Variants in SRGAP1 observed in about 807,000 individuals in gnomAD.
SRGAP1 encodes the protein SLIT-ROBO Rho GTPase activating protein 1.
In SRGAP1, 43 loss-of-function variants were observed where a neutral mutation model predicts 121.9. The ratio of observed to expected loss-of-function variants is 0.35; its 90% CI spans 0.28 to 0.46. The LOEUF is 0.46. Ranked by LOEUF, SRGAP1 falls within the 20% of genes least tolerant of loss-of-function variation. The pLI is 1.00. For synonymous variants in SRGAP1, 447 were observed against 485.4 expected (o/e 0.92, Z 1.04); for missense variants, 1,102 against 1,350.9 (o/e 0.82, Z 2.89).
chr12:63,904,779 T>C (rs935516903), intron 1 of SRGAP1, among the ~76,000 whole-genome samples: 2 of 152,016 alleles, frequency 1.3e-5, no homozygotes, highest in African/African-American at 2.4e-5. Context: ...AAATATGTTT[T>C]AAAAAATTAG....
In SRGAP1 at chr12:64,023,307, C is replaced by T. The variant is rs866964537; in HGVS notation, c.489+6295C>T. On this transcript the variant is annotated intron_variant, in intron 4 of 21. Coordinates refer to ENST00000355086, the MANE Select transcript of SRGAP1 (RefSeq NM_020762.4). ...ATCGAAGAAGTGGAAAAGTGAAAGGCAAAAACAGAGAAAAATGGTGACACA... is the reference window on the plus strand; with the variant it reads ...ATCGAAGAAGTGGAAAAGTGAAAGGTAAAAACAGAGAAAAATGGTGACACA... Among the ~76,000 whole-genome samples, 14 of 148,746 alleles carry T rather than the reference C, an allele frequency of 9.4e-5. 1 individual carries two copies. The highest frequency in any genetic ancestry group is 3.6e-3 in the Middle Eastern group (1 of 274).
At chr12:64,120,998 T>G (rs565853139) in intron 18 of SRGAP1, among the ~76,000 whole-genome samples, 43 of 151,106 alleles carry the variant, frequency 2.8e-4, no homozygotes, top group Non-Finnish European at 5.2e-4. Flanking sequence ...AAAGAAAGCT[T>G]CTTTGTGTCT....
chr12:64,078,767 A>C, intron 8 of SRGAP1, 152 bp from the exon 9 acceptor site: 1 of 674,842 alleles, frequency 1.5e-6, no homozygotes, highest in Non-Finnish European at 2.5e-6. Context: ...GGTGATATGG[A>C]GTGTTTTTTA....
chr12:64,045,437 ATT>A (rs1223700896), intron 6 of SRGAP1, among the ~76,000 whole-genome samples: 1 of 143,576 alleles, frequency 7.0e-6, no homozygotes. Context: ...ATCCAAACCA[ATT>A]TTTTTTTTTT....
In SRGAP1 at chr12:63,954,677, C is replaced by CAA. The variant is rs60508657; in HGVS notation, c.68-29256_68-29255dup. 3.7e-3 allele frequency among the ~76,000 whole-genome samples: 383 copies of CAA among 104,606 alleles called. 4 individuals carry two copies. The highest frequency in any genetic ancestry group is 0.013 in the African/African-American group (359 of 28,078). The allele number at this position is 104,606 out of a possible 152,430, so 68.6% of individuals were successfully genotyped here. ...TGGGGGACAGAGCGAGACTCCATCT[C>CAA]AAAAAAAAAAAAAAAGAAAAGAAAA... is the stretch of plus-strand genomic sequence containing the variant. On this transcript the variant is annotated intron_variant, in intron 1 of 21. Transcript: ENST00000355086.
rs375756979 is a variant in SRGAP1 at position 64,065,197 on chromosome 12, C to T, written c.1103C>T (p.Thr368Met). ...RYQQLQSRLA[T>M]LKIENEEVKK... ...CAACAGTTGCAGTCCCGCCTTGCCA[C>T]GCTCAAAATCGAGAATGAAGAGGTG... is the stretch of plus-strand genomic sequence containing the variant. The change falls in exon 8 of 22, where the codon ACG becomes ATG. Residue 368 changes from threonine (T) to methionine (M), a missense_variant. By Grantham distance (81) the Thr-to-Met change is moderately conservative. Transcript: ENST00000355086. The T allele has an allele frequency of 1.9e-5, 31 of 1,613,140 alleles. No individual in the cohort carries two copies. Among genetic ancestry groups the T allele is most frequent in the African/African-American group, 5.3e-5 (4 of 74,882 alleles).
chr12:64,060,408 A>G (rs941536482), intron 6 of SRGAP1, among the ~76,000 whole-genome samples: 3 of 151,804 alleles, frequency 2.0e-5, no homozygotes, highest in Admixed American at 2.0e-4. Context: ...GTGTCTGACT[A>G]TGTTACTCAG....
At chr12:64,030,298 T>C (rs2034746249) in intron 4 of SRGAP1, among the ~76,000 whole-genome samples, 1 of 152,240 alleles carries the variant, frequency 6.6e-6, no homozygotes. Flanking sequence ...ATATGAATGT[T>C]GATCAAGAGT....
chr12:63,893,880 C>T (rs1900665085), intron 1 of SRGAP1, among the ~76,000 whole-genome samples: 2 of 152,192 alleles, frequency 1.3e-5, no homozygotes, highest in Non-Finnish European at 2.9e-5. Flanking sequence ...GCTCTGTTGC[C>T]CAGGCTTCAG....
Position 64,063,106 on chromosome 12 carries a change from A to T in SRGAP1, c.991A>T (p.Lys331Ter). Residue 331 changes from lysine to a stop codon, truncating the protein, a stop_gained, in exon 7 of 22, where the codon AAG (lysine) becomes TAG (stop). Coordinates refer to ENST00000355086, the MANE Select transcript of SRGAP1 (RefSeq NM_020762.4). LOFTEE classifies it high-confidence loss of function. The stretch of plus-strand genomic sequence containing the variant: ...CCCTGCTGCGTTCTGTCCACCAATG[A>T]AGTTTGAGTTTCAGTCTCACATGGG... ...MYPAAFCPPMKFEFQSHMGDE... is the reference protein window; with the variant it reads ...MYPAAFCPPM The T allele has an allele frequency of 6.2e-7, 1 of 1,613,732 alleles. No individual in the cohort carries two copies. Among genetic ancestry groups the T allele is most frequent in the East Asian group, 2.2e-5 (1 of 44,850 alleles).
At chr12:64,000,274 G>T (rs1435437240) in intron 3 of SRGAP1, among the ~76,000 whole-genome samples, 1 of 146,124 alleles carries the variant, frequency 6.8e-6, no homozygotes, top group Non-Finnish European at 1.5e-5. Flanking sequence ...GTGTGTGTGT[G>T]TAAAAAAAAA....
Position 63,871,919 on chromosome 12 carries a change from G to A in SRGAP1, c.67+27036G>A, listed in dbSNP as rs775360802. On this transcript the variant is annotated intron_variant, in intron 1 of 21. Transcript: ENST00000355086. ...AAATTGGCTTTGTCTGCCCACCATA[G>A]CCACTCTGCTTCTGATCATAGCACC... 213 of 1,396,046 alleles carry A rather than the reference G, an allele frequency of 1.5e-4. 1 individual carries two copies. The highest frequency in any genetic ancestry group is 1.9e-4 in the Non-Finnish European group (183 of 982,654). The allele number at this position is 1,396,046 out of a possible 1,614,324, so 86.5% of individuals were successfully genotyped here.
chr12:63,916,511 A>G (rs1203533251), intron 1 of SRGAP1, among the ~76,000 whole-genome samples: 3 of 152,196 alleles, frequency 2.0e-5, no homozygotes, highest in African/African-American at 7.2e-5. Context: ...AGACGCTGGG[A>G]AAACAAATGT....
chr12:64,020,569 A>G (rs142129322), intron 4 of SRGAP1, among the ~76,000 whole-genome samples: 2 of 152,364 alleles, frequency 1.3e-5, no homozygotes, highest in Non-Finnish European at 2.9e-5. Flanking sequence ...TTCACTGGCT[A>G]CAGTGGCTTA....
At position 63,908,647 on chromosome 12, in the gene SRGAP1, C is replaced by T. The variant is rs1016842865; in HGVS notation, c.67+63764C>T. On this transcript the variant is annotated intron_variant, in intron 1 of 21. Transcript: ENST00000355086. ...TCAAGTGATCCACCTGCCTTGGCCTCCCAAAGTTCTGGGATTACAGGCATG... is the reference window on the plus strand; with the variant it reads ...TCAAGTGATCCACCTGCCTTGGCCTTCCAAAGTTCTGGGATTACAGGCATG... Among the ~76,000 whole-genome samples the T allele has an allele frequency of 2.6e-5, 4 of 152,170 alleles. No individual in the cohort carries two copies. In the South Asian group the frequency reaches 8.3e-4, roughly 31 times the overall value.
At chr12:63,937,719 A>T (rs1231854216) in intron 1 of SRGAP1, among the ~76,000 whole-genome samples, 3 of 152,236 alleles carry the variant, frequency 2.0e-5, no homozygotes, top group African/African-American at 4.8e-5. Context: ...GACATGTAGC[A>T]TGTTATATTA....
rs1034971599 is a variant in SRGAP1, at chr12:64,088,996, T to C, written c.1436+1970T>C. 3.3e-5 allele frequency among the ~76,000 whole-genome samples: 5 copies of C among 152,292 alleles called. No individual in the cohort carries two copies. The South Asian group carries it at 1.0e-3, about 32-fold the overall frequency. Reference sequence around the variant, plus strand: ...TTGGACCTTATTGTAATAACCACATTTTCTAGTTTTTTAATGCTTTGGTAT... The same window carrying C: ...TTGGACCTTATTGTAATAACCACATCTTCTAGTTTTTTAATGCTTTGGTAT... On this transcript the variant is annotated intron_variant, in intron 11 of 21. Transcript: ENST00000355086.
chr12:63,990,142 G>A, intron 3 of SRGAP1, 70 bp downstream of exon 3: 17 of 1,265,074 alleles, frequency 1.3e-5, no homozygotes, highest in Middle Eastern at 2.4e-4. Flanking sequence ...GACTGAGAAC[G>A]GTATCTGAAA....
At chr12:63,925,633 A>T (rs59274311) in intron 1 of SRGAP1, among the ~76,000 whole-genome samples, 148 of 152,364 alleles carry the variant, frequency 9.7e-4, no homozygotes, top group African/African-American at 3.4e-3. Flanking sequence ...GTTAATATCT[A>T]AAGTAGAAAA....
Sources: gnomAD v4.1 joint callset for allele counts (sites outside exome capture counted in the v4.1 genomes callset) on GRCh38, gnomAD v4.1.1 for gene constraint, MANE v1.5 for transcripts, NCBI Gene and HGNC (gene_info 2026-07-23, HGNC 2026-07-21) for gene names.